MARCHF1: variants seen among roughly 807,000 people sequenced by gnomAD.
The protein encoded by MARCHF1 is E3 ubiquitin-protein ligase MARCHF1.
A neutral mutation model predicts 54.2 loss-of-function variants in MARCHF1; 40 were observed. The ratio of observed to expected loss-of-function variants is 0.74; its 90% CI spans 0.57 to 0.96. The LOEUF is 0.96. Ranked by LOEUF, MARCHF1 falls within the 40% of genes least tolerant of loss-of-function variation. MARCHF1 has a pLI of 0.00. For synonymous variants in MARCHF1, 236 were observed against 236.3 expected (o/e 1.00, Z 0.01); for missense variants, 586 against 656.5 (o/e 0.89, Z 1.17).
chr4:163,588,071 G>A (rs560820142), intron 7 of MARCHF1, among the ~76,000 whole-genome samples: 5 of 152,040 alleles, frequency 3.3e-5, no homozygotes, highest in Non-Finnish European at 5.9e-5. Flanking sequence ...GATTTTGAAC[G>A]AATTTCTTAA....
intron 3 of MARCHF1, among the ~76,000 whole-genome samples, chr4:163,903,982 T>A (rs6536758): frequency 0.95 from 144,295 of 152,266 alleles, 68,706 homozygotes; most frequent in South Asian, 0.99. Flanking sequence ...GTGTTTTTAA[T>A]TATTGTGCTT....
chr4:164,017,052 A>G (rs1161245807), intron 2 of MARCHF1, among the ~76,000 whole-genome samples: 1 of 152,106 alleles, frequency 6.6e-6, no homozygotes, highest in African/African-American at 2.4e-5. Context: ...AAATCATAAT[A>G]CATCATGATA....
chr4:163,954,307 T>C (rs1384169630), intron 3 of MARCHF1, among the ~76,000 whole-genome samples: 1 of 152,194 alleles, frequency 6.6e-6, no homozygotes, highest in Non-Finnish European at 1.5e-5. Context: ...CAAATATTTA[T>C]ATGTTATGTA....
At chr4:164,218,571 AC>A (rs931338108) in intron 1 of MARCHF1, among the ~76,000 whole-genome samples, 1 of 151,960 alleles carries the variant, frequency 6.6e-6, no homozygotes, top group African/African-American at 2.4e-5. Flanking sequence ...GAAGCTGGAA[AC>A]CATCATTCTC....
chr4:163,667,595 G>A (rs1328706249), intron 5 of MARCHF1, among the ~76,000 whole-genome samples: 2 of 151,650 alleles, frequency 1.3e-5, no homozygotes, highest in African/African-American at 4.8e-5. Context: ...ATTTTACCTG[G>A]TTATACCACT....
At chr4:163,789,134 G>A (rs1204353740) in intron 4 of MARCHF1, among the ~76,000 whole-genome samples, 5 of 151,746 alleles carry the variant, frequency 3.3e-5, no homozygotes, top group African/African-American at 1.2e-4. Flanking sequence ...ACATTTATTA[G>A]TCTCTATAGA....
chr4:163,977,201 C>T (rs147813038), intron 3 of MARCHF1, among the ~76,000 whole-genome samples: 1 of 151,896 alleles, frequency 6.6e-6, no homozygotes, highest in East Asian at 1.9e-4. Flanking sequence ...AGAAAAGCCA[C>T]TTTTTACTGT....
chr4:164,241,189 C>T (rs1234752437), intron 1 of MARCHF1, among the ~76,000 whole-genome samples: 1 of 152,122 alleles, frequency 6.6e-6, no homozygotes, highest in African/African-American at 2.4e-5. Flanking sequence ...CCTTCGAAGA[C>T]CATTTGGACA....
chr4:164,177,322 G>A (rs1427798215), intron 1 of MARCHF1, among the ~76,000 whole-genome samples: 5 of 151,926 alleles, frequency 3.3e-5, no homozygotes. Context: ...TAAATAATAA[G>A]ACCAAGATGT....
chr4:164,027,661 A>G (rs1396378372), intron 2 of MARCHF1, among the ~76,000 whole-genome samples: 1 of 152,066 alleles, frequency 6.6e-6, no homozygotes, highest in Non-Finnish European at 1.5e-5. Flanking sequence ...AAGAAAACCT[A>G]GGAAGTACCA....
intron 2 of MARCHF1, among the ~76,000 whole-genome samples, chr4:164,091,256 T>A (rs1430145360): frequency 1.3e-5 from 2 of 151,968 alleles, no homozygotes; most frequent in East Asian, 3.9e-4. Context: ...TTAATAATTA[T>A]GCATCAGCTT....
intron 1 of MARCHF1, among the ~76,000 whole-genome samples, chr4:164,155,183 G>A (rs1034318789): frequency 2.0e-5 from 3 of 152,134 alleles, no homozygotes; most frequent in Non-Finnish European, 4.4e-5. Context: ...AAATAGAAAT[G>A]CCTGTTCTTA....
rs193294964 is a variant in MARCHF1 at position 164,147,938 on chromosome 4, T to C, written c.-322-36276A>G. ...ATTAAAAGTATTTCTGGATTTTAGATAAATATAGCAAAGTATAATCTATAG... is the reference window on the plus strand; with the variant it reads ...ATTAAAAGTATTTCTGGATTTTAGACAAATATAGCAAAGTATAATCTATAG... On this transcript the variant is annotated intron_variant, in intron 1 of 9. Transcript: ENST00000514618. Among the ~76,000 whole-genome samples, 64 of 152,246 alleles carry C rather than the reference T, an allele frequency of 4.2e-4. 1 individual carries two copies. Among genetic ancestry groups the C allele is most frequent in the Non-Finnish European group, 5.4e-4 (37 of 68,002 alleles).
intron 3 of MARCHF1, among the ~76,000 whole-genome samples, chr4:163,980,111 A>T (rs1227137424): frequency 4.8e-5 from 7 of 146,416 alleles, no homozygotes; most frequent in African/African-American, 1.8e-4. Context: ...ACCTGACTTC[A>T]AACTTTACTA....
At chr4:163,631,753 T>C (rs1319546211) in intron 5 of MARCHF1, among the ~76,000 whole-genome samples, 1 of 152,192 alleles carries the variant, frequency 6.6e-6, no homozygotes, top group Non-Finnish European at 1.5e-5. Flanking sequence ...ACATTGGATT[T>C]GGCAATGATT....
At chr4:164,245,033 G>C (rs1355740103) in intron 1 of MARCHF1, among the ~76,000 whole-genome samples, 2 of 152,232 alleles carry the variant, frequency 1.3e-5, no homozygotes, top group African/African-American at 2.4e-5. Flanking sequence ...AGAGGTACAA[G>C]GAGGAACTGG....
intron 3 of MARCHF1, among the ~76,000 whole-genome samples, chr4:163,964,231 T>C (rs1752397511): frequency 6.6e-6 from 1 of 152,040 alleles, no homozygotes; most frequent in Admixed American, 6.6e-5. Flanking sequence ...TTATGTCTTC[T>C]TTGTCACTAA....
At chr4:164,268,867 C>T (rs1281928588) in intron 1 of MARCHF1, among the ~76,000 whole-genome samples, 2 of 152,078 alleles carry the variant, frequency 1.3e-5, no homozygotes, top group Non-Finnish European at 2.9e-5. Context: ...CAATAAGAAG[C>T]CTCAGCAACT....
rs188827711 is a variant in MARCHF1, at chr4:164,281,035, A to G, written c.-323+102835T>C. On this transcript the variant is annotated intron_variant, in intron 1 of 9. Coordinates refer to ENST00000514618, the MANE Select transcript of MARCHF1 (RefSeq NM_001394959.1). ...ATATGGAAAAAATCCCACATTGTTT[A>G]TAATAAACCTGAACACTCAAAAAAT... 2.0e-5 allele frequency among the ~76,000 whole-genome samples: 3 copies of G among 152,300 alleles called. No individual in the cohort carries two copies. The East Asian group carries it at 5.8e-4, about 29-fold the overall frequency.
Sources: allele counts gnomAD v4.1 joint callset (sites outside exome capture counted in the v4.1 genomes callset), GRCh38; gene constraint gnomAD v4.1.1; transcripts MANE v1.5; gene names NCBI Gene and HGNC (gene_info 2026-07-23, HGNC 2026-07-21).